The following FKBP15 variants were observed in gnomAD, a reference collection of about 807,000 sequenced individuals.
FKBP15 encodes FK506-binding protein 15.
Under a neutral mutation model 158.1 loss-of-function variants are expected in FKBP15, and 106 were observed. The ratio of observed to expected loss-of-function variants is 0.67; its 90% CI spans 0.57 to 0.79. FKBP15 has a LOEUF of 0.79. FKBP15 is among the 30% of genes least tolerant of loss of function. FKBP15 has a pLI of 0.00. For synonymous variants in FKBP15, 547 were observed against 548.6 expected (o/e 1.00, Z 0.04); for missense variants, 1,287 against 1,479.1 (o/e 0.87, Z 2.13).
rs1476091996 is a variant in FKBP15, at chr9:113,169,447, G to A, written c.3262C>T (p.Pro1088Ser). The A allele has an allele frequency of 2.5e-6, 4 of 1,613,928 alleles. No homozygotes were observed. The African/African-American group carries it at 4.0e-5, about 16-fold the overall frequency. ...AGTCTTGTGGAGCTTTCTTGTAGTG[G>A]GCCATCTGGTGCTACTTCCCTGACA... ...VCVREVAPDGPLQESSTRLSL... is the reference protein window; with the variant it reads ...VCVREVAPDGSLQESSTRLSL... Residue 1088 changes from proline to serine, a missense_variant, in exon 26 of 28, where the codon CCA (proline) becomes TCA (serine). Pro to Ser is a moderately conservative substitution (Grantham distance 74, BLOSUM62 -1). Coordinates refer to ENST00000238256, the MANE Select transcript of FKBP15 (RefSeq NM_015258.2).
chr9:113,173,473 G>A lies in FKBP15; in HGVS notation c.2512C>T (p.Leu838=), dbSNP rs754464444. Residue 838 remains leucine (L), a synonymous_variant, in exon 23 of 28, where the codon CTG becomes TTG. Coordinates refer to ENST00000238256, the MANE Select transcript of FKBP15 (RefSeq NM_015258.2). ...TGTACCTTTTCCTGAAGTTGTACCAGCTTCTGCTGGTAGGCATCTCTCTGT... is the reference window on the plus strand; with the variant it reads ...TGTACCTTTTCCTGAAGTTGTACCAACTTCTGCTGGTAGGCATCTCTCTGT... The part of the protein sequence containing the change: ...CAQRDAYQQK[L]VQLQEKCLAL... 4 of 1,613,508 alleles carry A rather than the reference G, an allele frequency of 2.5e-6. No homozygotes were observed. In the Admixed American group the frequency reaches 6.7e-5, roughly 27 times the overall value.
intron 3 of FKBP15, 137 bp from the exon 4 acceptor site, chr9:113,206,715 T>A (rs1830896049): frequency 8.9e-6 from 2 of 225,908 alleles, no homozygotes; most frequent in Non-Finnish European, 1.5e-5. Flanking sequence ...GTTTAAAATT[T>A]TTTTTTTTTT....
intron 27 of FKBP15, among the ~76,000 whole-genome samples, chr9:113,168,187 T>C (rs1830127712): frequency 6.6e-6 from 1 of 152,218 alleles, no homozygotes; most frequent in African/African-American, 2.4e-5. Flanking sequence ...AATGTGGGGC[T>C]AAGCAGCTCA....
Position 113,165,869 on chromosome 9 carries a change from G to A in FKBP15, c.*209C>T. Reference sequence around the variant, plus strand: ...TCCAACTTGCTGCTGAAATCCCAGTGTTCTTGAAGACAGGGTTATGATCCT... The same window carrying A: ...TCCAACTTGCTGCTGAAATCCCAGTATTCTTGAAGACAGGGTTATGATCCT... On this transcript the variant is annotated 3_prime_UTR_variant, in exon 28 of 28. Coordinates refer to ENST00000238256, the MANE Select transcript of FKBP15 (RefSeq NM_015258.2). 2.0e-6 allele frequency: 1 copy of A among 499,024 alleles called. No individual in the cohort carries two copies. The highest frequency in any genetic ancestry group is 3.6e-6 in the Non-Finnish European group (1 of 274,518). 30.9% of individuals were successfully genotyped at this position (499,024 alleles called of 1,614,324 possible). A position where few individuals can be genotyped will look rare whatever the true frequency, so the allele number is the denominator to read the frequency against.
chr9:113,204,404 C>T (rs1297671208), intron 4 of FKBP15, among the ~76,000 whole-genome samples: 2 of 152,210 alleles, frequency 1.3e-5, no homozygotes, highest in African/African-American at 4.8e-5. Context: ...CATTCGTTTC[C>T]CTCAACTTAA....
chr9:113,194,793 C>T (rs938138305), intron 9 of FKBP15, among the ~76,000 whole-genome samples: 1 of 152,154 alleles, frequency 6.6e-6, no homozygotes, highest in Non-Finnish European at 1.5e-5. Flanking sequence ...CAAGGGTCAG[C>T]CCTTCACTGT....
In FKBP15 at chr9:113,163,542, G is replaced by T. The variant is rs1376420600; in HGVS notation, c.*2536C>A. On this transcript the variant is annotated 3_prime_UTR_variant, in exon 28 of 28. Coordinates refer to ENST00000238256, the MANE Select transcript of FKBP15 (RefSeq NM_015258.2). ...CATACAAAAAAATTTTTAATGAAATGATTTCATTGATTCATGATGGATGGC... is the reference window on the plus strand; with the variant it reads ...CATACAAAAAAATTTTTAATGAAATTATTTCATTGATTCATGATGGATGGC... 4 of 152,592 alleles carry T rather than the reference G, an allele frequency of 2.6e-5. No individual in the cohort carries two copies. Among genetic ancestry groups the T allele is most frequent in the Non-Finnish European group, 5.9e-5 (4 of 68,026 alleles). The allele number at this position is 152,592 out of a possible 1,614,324, so 9.5% of individuals were successfully genotyped here.
intron 25 of FKBP15, among the ~76,000 whole-genome samples, chr9:113,170,160 G>T (rs866874166): frequency 2.0e-5 from 3 of 151,728 alleles, no homozygotes; most frequent in Non-Finnish European, 4.4e-5. Flanking sequence ...GTCTTGCTCT[G>T]TTATCCAGGC....
chr9:113,206,577 T>C lies in FKBP15; in HGVS notation c.256A>G (p.Thr86Ala). The C allele has an allele frequency of 6.2e-7, 1 of 1,612,200 alleles. No homozygotes were observed. Among genetic ancestry groups the C allele is most frequent in the East Asian group, 2.2e-5 (1 of 44,886 alleles). Residue 86 changes from threonine to alanine, a missense_variant and splice_region_variant, in exon 4 of 28, where the codon ACA (threonine) becomes GCA (alanine). Physicochemically the swap from Thr to Ala is moderately conservative, Grantham distance 58. Transcript: ENST00000238256. The part of the protein sequence containing the change: ...VATAVHAYRY[T>A]NGQYVKQGKF... Reference sequence around the variant, plus strand: ...CCCTGCTTTACATATTGACCATTTGTGCTATAAAAGGAAGAGAAACAACAA... The same window carrying C: ...CCCTGCTTTACATATTGACCATTTGCGCTATAAAAGGAAGAGAAACAACAA...
At chr9:113,169,128 T>A in intron 26 of FKBP15, 96 bp downstream of exon 26, 1 of 1,437,106 alleles carries the variant, frequency 7.0e-7, no homozygotes, top group Non-Finnish European at 9.2e-7. Context: ...ATGAGTAAAT[T>A]AGTCTCTGAG....
At chr9:113,171,749 T>G in intron 23 of FKBP15, 43 bp from the exon 24 acceptor site, 1 of 1,089,246 alleles carries the variant, frequency 9.2e-7, no homozygotes, top group Admixed American at 4.1e-5. Context: ...AGGAACCAGG[T>G]GAAGGTCAGA....
Position 113,197,013 on chromosome 9 carries a change from G to A in FKBP15, c.783C>T (p.Ala261=), listed in dbSNP as rs1336142923. The A allele has an allele frequency of 2.5e-6, 4 of 1,613,874 alleles. No homozygotes were observed. In the African/African-American group the frequency reaches 4.0e-5, roughly 16 times the overall value. The change falls in exon 9 of 28, where the codon GCC becomes GCT. Residue 261 remains alanine (A), a synonymous_variant. Transcript: ENST00000238256. The part of the protein sequence containing the change: ...GGKRLLIVPP[A]CAVGSEGVIG... ...TTACCCCTTCTGAGCCAACAGCACAGGCTGGAGGGACAATAAGCAATCGCT... is the reference window on the plus strand; with the variant it reads ...TTACCCCTTCTGAGCCAACAGCACAAGCTGGAGGGACAATAAGCAATCGCT...
At chr9:113,211,955 ATTCTTGC>A (rs1831015522) in intron 1 of FKBP15, among the ~76,000 whole-genome samples, 1 of 152,072 alleles carries the variant, frequency 6.6e-6, no homozygotes, top group Non-Finnish European at 1.5e-5. Flanking sequence ...CAAACTGTAA[ATTCTTGC>A]TTTTAGCAAA....
At chr9:113,215,642 A>G (rs191014833) in intron 1 of FKBP15, among the ~76,000 whole-genome samples, 1 of 82,562 alleles carries the variant, frequency 1.2e-5, no homozygotes, top group Non-Finnish European at 2.3e-5. Flanking sequence ...ATATATATAT[A>G]TATTTTTTTT....
At chr9:113,168,711 ACACCCTACAGTGG>A (rs1386438880) in intron 26 of FKBP15, among the ~76,000 whole-genome samples, 155 bp from the exon 27 acceptor site, 2 of 152,084 alleles carry the variant, frequency 1.3e-5, no homozygotes, top group African/African-American at 4.8e-5. Flanking sequence ...ATCTCTTCCC[ACACCCTACAGTGG>A]CCTCCTAGTG....
Position 113,187,924 on chromosome 9 carries a change from C to T in FKBP15, c.1277-25G>A, listed in dbSNP as rs752609897. On this transcript the variant is annotated intron_variant, in intron 13 of 27. Coordinates refer to ENST00000238256, the MANE Select transcript of FKBP15 (RefSeq NM_015258.2). ...GCTAAGATAAAGGGAGACATTTTCA[C>T]TGTTATCCACCCTTGCTTCTTGGTG... 4.5e-6 allele frequency: 7 copies of T among 1,549,914 alleles called. No homozygotes were observed. The East Asian group carries it at 1.6e-4, about 35-fold the overall frequency.
Position 113,188,443 on chromosome 9 carries a change from C to A in FKBP15, c.1222G>T (p.Val408Phe), listed in dbSNP as rs376379491. 1 of 1,613,604 alleles carries A rather than the reference C, an allele frequency of 6.2e-7. No individual in the cohort carries two copies. The change falls in exon 13 of 28, where the codon GTC (valine) becomes TTC (phenylalanine). Residue 408 changes from valine (V) to phenylalanine (F), a missense_variant. Transcript: ENST00000238256. ...GGGQPVVTPSVQPSLHPAHPA... is the reference protein window; with the variant it reads ...GGGQPVVTPSFQPSLHPAHPA... The stretch of plus-strand genomic sequence containing the variant: ...TGGGCCGGATGAAGAGAGGGCTGGA[C>A]GGACGGAGTCACCACAGGCTGCCCA...
intron 9 of FKBP15, among the ~76,000 whole-genome samples, chr9:113,195,548 G>C (rs1830659876): frequency 1.3e-5 from 2 of 152,160 alleles, no homozygotes; most frequent in South Asian, 2.1e-4. Flanking sequence ...GGCCCAGCAG[G>C]ATGAGAGTGT....
In FKBP15 at chr9:113,173,701, T is replaced by A. The variant is rs546002645; in HGVS notation, c.2380-96A>T. On this transcript the variant is annotated intron_variant, in intron 22 of 27. Coordinates refer to ENST00000238256, the MANE Select transcript of FKBP15 (RefSeq NM_015258.2). ...ACCCATCTTTCAAAAAGCAAAAGAA[T>A]AAGCTAACAGCCCAGATTTAACTGG... 27 of 1,290,586 alleles carry A rather than the reference T, an allele frequency of 2.1e-5. No homozygotes were observed. The African/African-American group carries it at 2.9e-4, about 14-fold the overall frequency. 79.9% of individuals were successfully genotyped at this position (1,290,586 alleles called of 1,614,324 possible). A position where few individuals can be genotyped will look rare whatever the true frequency, so the allele number is the denominator to read the frequency against.
Sources: allele counts gnomAD v4.1 joint callset (sites outside exome capture counted in the v4.1 genomes callset), GRCh38; gene constraint gnomAD v4.1.1; transcripts MANE v1.5; gene names NCBI Gene and HGNC (gene_info 2026-07-23, HGNC 2026-07-21).